The following CRTAC1 variants were observed in gnomAD, a reference collection of about 807,000 sequenced individuals.
CRTAC1 encodes acidic secreted protein in cartilage.
A neutral mutation model predicts 67.8 loss-of-function variants in CRTAC1; 37 were observed. The observed-to-expected ratio is 0.55, with a 90% CI of 0.42 to 0.72. The LOEUF is 0.72. Ranked by LOEUF, CRTAC1 falls within the 30% of genes least tolerant of loss-of-function variation. CRTAC1 has a pLI of 0.00. For synonymous variants in CRTAC1, 348 were observed against 371.0 expected, an observed-to-expected ratio of 0.94 and a Z score of 0.71; for missense variants, 780 against 931.6, an observed-to-expected ratio of 0.84 and a Z score of 2.12.
chr10:97,906,368 G>A (rs1002907868), intron 6 of CRTAC1, among the ~76,000 whole-genome samples: 9 of 152,180 alleles, frequency 5.9e-5, no homozygotes, highest in Non-Finnish European at 7.3e-5. Context: ...TCCCTTTCAC[G>A]GGAATAATCG....
chr10:97,892,696 T>C (rs2050395800), intron 11 of CRTAC1, among the ~76,000 whole-genome samples: 1 of 152,218 alleles, frequency 6.6e-6, no homozygotes, highest in East Asian at 1.9e-4. Flanking sequence ...CACATACTAA[T>C]TGCTTGATAA....
intron 1 of CRTAC1, among the ~76,000 whole-genome samples, chr10:98,027,430 A>G (rs1843260692): frequency 6.6e-6 from 1 of 152,110 alleles, no homozygotes; most frequent in Non-Finnish European, 1.5e-5. Flanking sequence ...CAATCCATCT[A>G]TAATCTGAAT....
At chr10:97,957,646 C>A (rs541295370) in intron 2 of CRTAC1, among the ~76,000 whole-genome samples, 1 of 152,126 alleles carries the variant, frequency 6.6e-6, no homozygotes, top group Admixed American at 6.5e-5. Flanking sequence ...TTTCTTCTTG[C>A]CTTTCAGCTG....
Position 97,923,874 on chromosome 10 carries a change from G to C in CRTAC1, c.422-474C>G, listed in dbSNP as rs1211927780. Reference sequence around the variant, plus strand: ...AAGAAATGGTTCTGGTTCATGGGTAGGTCTCAGTCCACCCTGAGGAAGGGG... The same window carrying C: ...AAGAAATGGTTCTGGTTCATGGGTACGTCTCAGTCCACCCTGAGGAAGGGG... On this transcript the variant is annotated intron_variant, in intron 3 of 14. Transcript: ENST00000370597. Among the ~76,000 whole-genome samples, 5 of 152,184 alleles carry C rather than the reference G, an allele frequency of 3.3e-5. No individual in the cohort carries two copies. The East Asian group carries it at 7.7e-4, about 23-fold the overall frequency.
At chr10:97,898,660 G>T (rs116119520) in intron 8 of CRTAC1, among the ~76,000 whole-genome samples, 3,264 of 152,274 alleles carry the variant, frequency 0.021, 109 homozygotes, top group African/African-American at 0.071. Flanking sequence ...GGTGGGAAAG[G>T]GGTGTGGCCA....
chr10:97,979,539 TC>T (rs1324238622), intron 2 of CRTAC1, among the ~76,000 whole-genome samples: 2 of 152,036 alleles, frequency 1.3e-5, no homozygotes, highest in African/African-American at 2.4e-5. Context: ...CTTACATGAG[TC>T]CCCCTGATTG....
At chr10:97,926,893 T>C (rs1234512826) in intron 3 of CRTAC1, among the ~76,000 whole-genome samples, 1 of 152,182 alleles carries the variant, frequency 6.6e-6, no homozygotes, top group Non-Finnish European at 1.5e-5. Flanking sequence ...CTCTGCAGGC[T>C]TCTGGGTCTC....
chr10:98,029,490 C>T lies in CRTAC1; in HGVS notation c.24+959G>A, dbSNP rs909418773. On this transcript the variant is annotated intron_variant, in intron 1 of 14. Coordinates refer to ENST00000370597, the MANE Select transcript of CRTAC1 (RefSeq NM_018058.7). This position sits in a 1 kb window ranked among gnomAD's most constrained non-coding sequence, Gnocchi z 4.7. ...CACTGGGTGCACCCACCAGCAGCAG[C>T]AGCGGCGGCGGCGGCGGCGGCGGCG... Among the ~76,000 whole-genome samples the T allele has an allele frequency of 2.8e-5, 4 of 140,706 alleles. No individual in the cohort carries two copies. Among genetic ancestry groups the T allele is most frequent in the African/African-American group, 1.2e-4 (4 of 33,304 alleles). 92.3% of individuals were successfully genotyped at this position (140,706 alleles called of 152,430 possible).
In CRTAC1 at chr10:97,878,873, T is replaced by C. The variant is rs147676504; in HGVS notation, c.1819+1376A>G. On this transcript the variant is annotated intron_variant, in intron 14 of 14. Transcript: ENST00000370597. ...TAAAAGGCCTAGAGTACACACTCCA[T>C]TTCTGCCCCTCACTCATCACACATC... is the stretch of plus-strand genomic sequence containing the variant. Among the ~76,000 whole-genome samples the C allele has an allele frequency of 2.0e-3, 297 of 152,280 alleles. 1 individual carries two copies. The highest frequency in any genetic ancestry group is 6.8e-3 in the African/African-American group (281 of 41,562).
chr10:98,025,596 T>C (rs1157306830), intron 1 of CRTAC1, among the ~76,000 whole-genome samples: 5 of 152,180 alleles, frequency 3.3e-5, no homozygotes, highest in Admixed American at 6.5e-5. Context: ...GTCTGGGGTG[T>C]GTTTGGTGTG....
chr10:98,025,939 G>C (rs1843224285), intron 1 of CRTAC1, among the ~76,000 whole-genome samples: 1 of 152,226 alleles, frequency 6.6e-6, no homozygotes, highest in Admixed American at 6.5e-5. Context: ...AGGTGGGGCA[G>C]GGAAAGAGGC....
rs762942929 is a variant in CRTAC1, at chr10:97,865,641, G to GGCA, written c.1890_1892dup (p.Ala633dup). 7.5e-5 allele frequency: 121 copies of GGCA among 1,612,130 alleles called. No individual in the cohort carries two copies. Among genetic ancestry groups the GGCA allele is most frequent in the Admixed American group, 1.0e-4 (6 of 59,882 alleles). The stretch of plus-strand genomic sequence containing the variant: ...GTGCAGCAGTGGCAGCTCCAGCAGC[G>GGCA]GCAGCAGCAGCGGCAGTGGCAGCAG... On this transcript the variant is annotated inframe_insertion, in exon 15 of 15. Transcript: ENST00000370597.
intron 2 of CRTAC1, among the ~76,000 whole-genome samples, chr10:97,981,479 T>C (rs2051890585): frequency 6.6e-6 from 1 of 152,266 alleles, no homozygotes; most frequent in South Asian, 2.1e-4. Context: ...GAATTCTTAA[T>C]GACCACATAA....
intron 14 of CRTAC1, chr10:97,868,682 GT>G (rs1325135872): frequency 6.6e-6 from 1 of 152,176 alleles, no homozygotes; most frequent in African/African-American, 2.4e-5. Context: ...GGTTCATTCT[GT>G]TTTGGGATAG....
At chr10:97,904,496 A>G (rs1007078012) in intron 7 of CRTAC1, among the ~76,000 whole-genome samples, 173 bp downstream of exon 7, 1 of 152,108 alleles carries the variant, frequency 6.6e-6, no homozygotes, top group African/African-American at 2.4e-5. Flanking sequence ...ATCTCAGCTC[A>G]CTGTAACCTC....
chr10:97,913,687 C>T (rs768314792), intron 5 of CRTAC1, among the ~76,000 whole-genome samples: 7 of 152,186 alleles, frequency 4.6e-5, no homozygotes, highest in Admixed American at 3.9e-4. Context: ...CCTAGCAGGC[C>T]CGTGCTGCAC....
intron 14 of CRTAC1, among the ~76,000 whole-genome samples, chr10:97,874,997 T>C (rs1023511423): frequency 1.3e-5 from 2 of 152,220 alleles, no homozygotes; most frequent in African/African-American, 4.8e-5. Flanking sequence ...GCCAGTGTTG[T>C]TCACAGATGT....
intron 1 of CRTAC1, 26 bp from the exon 2 acceptor site, chr10:98,011,363 C>A: frequency 6.2e-7 from 1 of 1,612,190 alleles, no homozygotes; most frequent in Non-Finnish European, 8.5e-7. Context: ...ACAAATGTTA[C>A]CGAAAGAACC....
At chr10:97,937,508 T>G (rs2051108678) in intron 2 of CRTAC1, among the ~76,000 whole-genome samples, 1 of 152,232 alleles carries the variant, frequency 6.6e-6, no homozygotes, top group African/African-American at 2.4e-5. Context: ...GTCTGCCTCA[T>G]GAAGGCAGAA....
Sources: allele counts gnomAD v4.1 joint callset (sites outside exome capture counted in the v4.1 genomes callset), GRCh38; gene constraint gnomAD v4.1.1; non-coding constraint Gnocchi (gnomAD v3.1); transcripts MANE v1.5; gene names NCBI Gene and HGNC (gene_info 2026-07-23, HGNC 2026-07-21).